The following SORL1 variants were observed in gnomAD, a reference collection of about 807,000 sequenced individuals.
SORL1 encodes sortilin-related receptor.
In SORL1, 127 loss-of-function variants were observed where a neutral mutation model predicts 273.7. That is an observed-to-expected ratio of 0.46 (90% CI 0.40 to 0.54). The LOEUF (loss-of-function observed/expected upper bound fraction) is 0.54. Ranked by LOEUF, SORL1 falls within the 20% of genes least tolerant of loss-of-function variation. SORL1 has a pLI of 0.00. For missense variants in SORL1, 2,494 were observed against 2,846.1 expected, an observed-to-expected ratio of 0.88 and a Z score of 2.81; for synonymous variants, 1,031 against 1,067.4, an observed-to-expected ratio of 0.97 and a Z score of 0.66.
rs645275 is a variant in SORL1, at chr11:121,465,206, T to G, written c.286-4801T>G. Among the ~76,000 whole-genome samples, 74,871 of 151,988 alleles carry G rather than the reference T, an allele frequency of 0.49. 18,633 individuals carry two copies. Among genetic ancestry groups the G allele is most frequent in the East Asian group, 0.56 (2,904 of 5,158 alleles). ...AGCCCCTCGTAACCACTAATCAGCT[T>G]TCTCTCCCTATGGATTTACCTATTC... On this transcript the variant is annotated intron_variant, in intron 1 of 47. Transcript: ENST00000260197.
rs200656084 is a variant in SORL1 at position 121,574,269 on chromosome 11, G to A, written c.3366G>A (p.Gln1122=). Residue 1122 remains glutamine, a synonymous_variant, in exon 24 of 48, where the codon CAG becomes CAA. Transcript: ENST00000260197. The part of the protein sequence containing the change: ...CPTTICDLDT[Q]FRCQESGTCI... ...CCACCATCTGTGACCTGGACACCCAGTTTCGTTGCCAGGAGTCTGGGACTT... is the reference window on the plus strand; with the variant it reads ...CCACCATCTGTGACCTGGACACCCAATTTCGTTGCCAGGAGTCTGGGACTT... 2 of 1,613,890 alleles carry A rather than the reference G, an allele frequency of 1.2e-6. No homozygotes were observed. Among genetic ancestry groups the A allele is most frequent in the South Asian group, 2.2e-5 (2 of 91,070 alleles).
chr11:121,553,583 C>T (rs573658584), intron 16 of SORL1, among the ~76,000 whole-genome samples: 1 of 152,146 alleles, frequency 6.6e-6, no homozygotes, highest in South Asian at 2.1e-4. Flanking sequence ...GGAGGGAGAA[C>T]AGGGCGATTG....
chr11:121,549,862 A>G (rs1010053267), intron 14 of SORL1, 98 bp from the exon 15 acceptor site: 1 of 1,014,704 alleles, frequency 9.9e-7, no homozygotes, highest in East Asian at 2.6e-5. Context: ...AACTTATAAT[A>G]AAAGTGAAAA....
intron 25 of SORL1, among the ~76,000 whole-genome samples, chr11:121,582,523 G>A (rs183450417): frequency 1.8e-4 from 27 of 152,364 alleles, no homozygotes; most frequent in Non-Finnish European, 3.2e-4. Context: ...ATCAGATGGA[G>A]AGGACCGTTA....
At chr11:121,594,945 A>G (rs1243231887) in intron 31 of SORL1, among the ~76,000 whole-genome samples, 1 of 152,168 alleles carries the variant, frequency 6.6e-6, no homozygotes, top group Non-Finnish European at 1.5e-5. Context: ...CCTAGACAAT[A>G]ATTACCTTAT....
intron 3 of SORL1, among the ~76,000 whole-genome samples, chr11:121,487,239 G>A (rs1861487895): frequency 6.6e-6 from 1 of 152,222 alleles, no homozygotes; most frequent in South Asian, 2.1e-4. Flanking sequence ...CTTGAGGGAA[G>A]GCATCTTGGG....
At chr11:121,515,257 G>A (rs1745925774) in intron 8 of SORL1, among the ~76,000 whole-genome samples, 1 of 152,244 alleles carries the variant, frequency 6.6e-6, no homozygotes, top group South Asian at 2.1e-4. Context: ...TCTAGTTGGG[G>A]AAGATAGAAT....
chr11:121,597,499 C>T (rs1449186182), intron 32 of SORL1, among the ~76,000 whole-genome samples: 2 of 151,476 alleles, frequency 1.3e-5, no homozygotes, highest in African/African-American at 4.9e-5. Context: ...GCTCTGTTGC[C>T]CAGGCTGGAG....
At chr11:121,570,298 A>C in intron 23 of SORL1, 28 bp downstream of exon 23, 1 of 1,535,308 alleles carries the variant, frequency 6.5e-7, no homozygotes, top group Non-Finnish European at 9.0e-7. Context: ...GACGTTAAGC[A>C]CTTACCATTA....
At chr11:121,603,713 C>G (rs1421684384) in intron 32 of SORL1, among the ~76,000 whole-genome samples, 2 of 152,148 alleles carry the variant, frequency 1.3e-5, no homozygotes, top group African/African-American at 4.8e-5. Flanking sequence ...TTACTCAAAC[C>G]AGAAATCAGC....
chr11:121,533,666 C>T (rs889265445), intron 12 of SORL1, among the ~76,000 whole-genome samples: 1 of 152,076 alleles, frequency 6.6e-6, no homozygotes, highest in Non-Finnish European at 1.5e-5. Flanking sequence ...TTTCTTTGCT[C>T]CTTTTAGAAA....
At chr11:121,536,022 C>A (rs1211567904) in intron 12 of SORL1, among the ~76,000 whole-genome samples, 2 of 152,332 alleles carry the variant, frequency 1.3e-5, no homozygotes, top group African/African-American at 2.4e-5. Flanking sequence ...GAAGAAGATT[C>A]AAACACGTTT....
chr11:121,519,626 AC>A (rs1419667306), intron 8 of SORL1, among the ~76,000 whole-genome samples: 1 of 152,052 alleles, frequency 6.6e-6, no homozygotes, highest in Non-Finnish European at 1.5e-5. Flanking sequence ...CTGACAGAAA[AC>A]CCTGTGGGCT....
At chr11:121,462,477 T>A (rs189323026) in intron 1 of SORL1, among the ~76,000 whole-genome samples, 2 of 152,344 alleles carry the variant, frequency 1.3e-5, no homozygotes, top group Admixed American at 1.3e-4. Context: ...TTAGGTCCCC[T>A]GTGTAACAAC....
chr11:121,455,337 G>A (rs1860885651), intron 1 of SORL1, among the ~76,000 whole-genome samples: 1 of 152,144 alleles, frequency 6.6e-6, no homozygotes. Flanking sequence ...CCAGCTTCTT[G>A]CCCTCTGACC....
chr11:121,466,240 C>T (rs759738116), intron 1 of SORL1, among the ~76,000 whole-genome samples: 34 of 152,076 alleles, frequency 2.2e-4, no homozygotes, highest in Non-Finnish European at 3.7e-4. Flanking sequence ...GCTGATTGCA[C>T]GTCAAGGTTA....
chr11:121,500,592 C>T (rs1490687837), intron 6 of SORL1, among the ~76,000 whole-genome samples: 1 of 152,144 alleles, frequency 6.6e-6, no homozygotes, highest in East Asian at 1.9e-4. Flanking sequence ...CAATATGGCT[C>T]CAAAAGCCTA....
chr11:121,485,210 G>A (rs1861456161), intron 3 of SORL1, among the ~76,000 whole-genome samples: 1 of 152,186 alleles, frequency 6.6e-6, no homozygotes, highest in African/African-American at 2.4e-5. Context: ...ATGATCAGGG[G>A]CTGGGGATGG....
At chr11:121,618,265 T>C (rs1863667729) in intron 41 of SORL1, among the ~76,000 whole-genome samples, 1 of 152,214 alleles carries the variant, frequency 6.6e-6, no homozygotes, top group South Asian at 2.1e-4. Context: ...GATGGGTACC[T>C]GTTGGACAGC....
Sources: gnomAD v4.1 joint callset for allele counts (sites outside exome capture counted in the v4.1 genomes callset) on GRCh38, gnomAD v4.1.1 for gene constraint, MANE v1.5 for transcripts, NCBI Gene and HGNC (gene_info 2026-07-23, HGNC 2026-07-21) for gene names.